The following PARL variants were observed in gnomAD, a reference collection of about 807,000 sequenced individuals.
The protein encoded by PARL is presenilin associated rhomboid like, also known as presenilin-associated rhomboid-like protein, mitochondrial.
In PARL, 44 loss-of-function variants were observed where a neutral mutation model predicts 51.6. The ratio of observed to expected loss-of-function variants is 0.85; its 90% CI spans 0.67 to 1.10. PARL has a LOEUF of 1.10. Among genes scored for constraint, PARL ranks in the 50% least tolerant of loss-of-function variants. The probability of loss-of-function intolerance (pLI) is 0.00; values close to 1 mark genes in which losing one functional copy is unlikely to be tolerated. For missense variants in PARL, 441 were observed against 469.5 expected (o/e 0.94, Z 0.56); for synonymous variants, 172 against 164.0 (o/e 1.05, Z -0.37).
intron 9 of PARL, among the ~76,000 whole-genome samples, chr3:183,830,075 C>T (rs1394762625): frequency 1.3e-5 from 2 of 152,190 alleles, no homozygotes; most frequent in Non-Finnish European, 2.9e-5. Flanking sequence ...AAAGCTCACT[C>T]GCAGGTCAGA....
At chr3:183,865,367 C>T (rs1049780430) in intron 3 of PARL, among the ~76,000 whole-genome samples, 1 of 152,084 alleles carries the variant, frequency 6.6e-6, no homozygotes. Context: ...TGAAAAATTC[C>T]CTGCAGTTCA....
intron 9 of PARL, among the ~76,000 whole-genome samples, chr3:183,831,407 A>C (rs1034208229): frequency 6.6e-6 from 1 of 152,300 alleles, no homozygotes; most frequent in East Asian, 1.9e-4. Context: ...GGGAAATGCA[A>C]GATGACCGAT....
At chr3:183,875,287 C>T (rs1248462943) in intron 1 of PARL, among the ~76,000 whole-genome samples, 1 of 151,754 alleles carries the variant, frequency 6.6e-6, no homozygotes, top group African/African-American at 2.4e-5. Context: ...TGGTGGCGGG[C>T]GACTGTAATC....
rs548733340 is a variant in PARL, at chr3:183,869,869, A to G, written c.126-1809T>C. On this transcript the variant is annotated intron_variant, in intron 1 of 9. Transcript: ENST00000317096. ...ATGCTACTTGGATATGCTCCCCATTACTTTAAAACCAATATATTCAAAATA... is the reference window on the plus strand; with the variant it reads ...ATGCTACTTGGATATGCTCCCCATTGCTTTAAAACCAATATATTCAAAATA... Among the ~76,000 whole-genome samples the G allele has an allele frequency of 1.7e-4, 26 of 152,218 alleles. No homozygotes were observed. In the South Asian group the frequency reaches 5.2e-3, roughly 30 times the overall value.
chr3:183,844,547 C>T (rs922019420), intron 4 of PARL: 8 of 512,904 alleles, frequency 1.6e-5, no homozygotes, highest in Admixed American at 1.3e-4. Flanking sequence ...ATTGTAAATG[C>T]TCTGGGAGCT....
chr3:183,831,791 G>A (rs375449253), intron 9 of PARL, among the ~76,000 whole-genome samples: 2 of 152,054 alleles, frequency 1.3e-5, no homozygotes, highest in African/African-American at 4.8e-5. Context: ...CTAGATTAAA[G>A]CTTTTAGAAA....
chr3:183,841,831 A>G (rs981815535), intron 6 of PARL, among the ~76,000 whole-genome samples: 5 of 152,148 alleles, frequency 3.3e-5, no homozygotes, highest in African/African-American at 1.2e-4. Context: ...ACTCTTGACA[A>G]TCATATTGTA....
chr3:183,852,149 T>G (rs1191810201), intron 4 of PARL, among the ~76,000 whole-genome samples: 2 of 152,132 alleles, frequency 1.3e-5, no homozygotes, highest in Non-Finnish European at 2.9e-5. Context: ...AGAGCGAGAC[T>G]CTGTCTCAAA....
intron 4 of PARL, among the ~76,000 whole-genome samples, chr3:183,848,649 T>C (rs1057108538): frequency 6.6e-6 from 1 of 152,222 alleles, no homozygotes; most frequent in African/African-American, 2.4e-5. Flanking sequence ...GACCTGGCTG[T>C]TGATTCCATG....
chr3:183,844,798 AG>A (rs1348099756), intron 4 of PARL: 1 of 156,344 alleles, frequency 6.4e-6, no homozygotes, highest in Non-Finnish European at 1.4e-5. Context: ...GTGTAGGTGA[AG>A]GTCAACATGT....
downstream of PARL, chr3:183,826,744 C>T (rs1057026001): frequency 1.0e-6 from 1 of 985,408 alleles, no homozygotes; most frequent in African/African-American, 1.7e-5. Flanking sequence ...TGGAAAATGA[C>T]ACACAGGGGC....
rs567446747 is a variant in PARL, at chr3:183,884,011, G to A, written c.125+711C>T. Among the ~76,000 whole-genome samples, 6 of 152,364 alleles carry A rather than the reference G, an allele frequency of 3.9e-5. No homozygotes were observed. The South Asian group carries it at 1.2e-3, about 32-fold the overall frequency. ...CAAGTCAGAAATTGGAAGGAATGAA[G>A]TTTTGAACAAAAGAGGAGGAAAATT... On this transcript the variant is annotated intron_variant, in intron 1 of 9. Coordinates refer to ENST00000317096, the MANE Select transcript of PARL (RefSeq NM_018622.7).
Position 183,866,709 on chromosome 3 carries a change from G to A in PARL, c.378C>T (p.Ser126=), listed in dbSNP as rs267599706. 2 of 1,611,072 alleles carry A rather than the reference G, an allele frequency of 1.2e-6. No homozygotes were observed. Residue 126 remains serine, a synonymous_variant, in exon 3 of 10, where the codon TCC becomes TCT. Transcript: ENST00000317096. ...AAIWQYESLK[S]RVQSYFDGIK... ...TACCATCAAAATAACTCTGGACCCT[G>A]GATTTCAGTGATTCATATTGCCAAA...
chr3:183,830,961 T>C (rs1727864505), intron 9 of PARL, among the ~76,000 whole-genome samples: 1 of 152,222 alleles, frequency 6.6e-6, no homozygotes, highest in Non-Finnish European at 1.5e-5. Flanking sequence ...GAACTCTTCA[T>C]TAATAAAGTG....
rs576947142 is a variant in PARL, at chr3:183,879,406, G to A, written c.125+5316C>T. ...TGCACCTAAAAATATATAGCCCCAA[G>A]AGCTGCTGGCAGCCATCTTATAACC... On this transcript the variant is annotated intron_variant, in intron 1 of 9. Transcript: ENST00000317096. Among the ~76,000 whole-genome samples, 8 of 152,252 alleles carry A rather than the reference G, an allele frequency of 5.3e-5. No individual in the cohort carries two copies. The South Asian group carries it at 1.7e-3, about 32-fold the overall frequency.
chr3:183,845,264 G>A (rs1729813038), intron 4 of PARL, among the ~76,000 whole-genome samples: 1 of 151,962 alleles, frequency 6.6e-6, no homozygotes, highest in Non-Finnish European at 1.5e-5. Context: ...TGTTACCTGT[G>A]GCTTCCGCAG....
intron 1 of PARL, among the ~76,000 whole-genome samples, chr3:183,882,662 G>A (rs1734701828): frequency 6.6e-6 from 1 of 152,082 alleles, no homozygotes; most frequent in Non-Finnish European, 1.5e-5. Context: ...AGGCCAGATA[G>A]AAGATATTTC....
Position 183,873,178 on chromosome 3 carries a change from T to C in PARL, c.126-5118A>G, listed in dbSNP as rs1472862985. ...CACTTTGGGCCAAAACAAAGGTGTA[T>C]CATAAAGTAATAGGAATATATTTAC... On this transcript the variant is annotated intron_variant, in intron 1 of 9. Transcript: ENST00000317096. Among the ~76,000 whole-genome samples, 4 of 152,118 alleles carry C rather than the reference T, an allele frequency of 2.6e-5. No homozygotes were observed. In the East Asian group the frequency reaches 7.7e-4, roughly 29 times the overall value.
intron 1 of PARL, among the ~76,000 whole-genome samples, chr3:183,870,758 C>A (rs1200581600): frequency 2.6e-5 from 4 of 152,114 alleles, no homozygotes; most frequent in African/African-American, 4.8e-5. Flanking sequence ...CCACTTCCTC[C>A]CTCTGCCACC....
Sources: allele counts gnomAD v4.1 joint callset (sites outside exome capture counted in the v4.1 genomes callset), GRCh38; gene constraint gnomAD v4.1.1; transcripts MANE v1.5; gene names NCBI Gene and HGNC (gene_info 2026-07-23, HGNC 2026-07-21).